Variants in KIAA0513 observed in about 807,000 individuals in gnomAD.
KIAA0513 encodes the protein KIAA0513.
Under a neutral mutation model 56.5 loss-of-function variants are expected in KIAA0513, and 39 were observed. That is an observed-to-expected ratio of 0.69 (90% CI 0.53 to 0.90). The LOEUF (loss-of-function observed/expected upper bound fraction) is 0.90. KIAA0513 is among the 40% of genes least tolerant of loss of function. The pLI, the probability that KIAA0513 is intolerant of heterozygous loss-of-function variation, is 0.00. For synonymous variants in KIAA0513, 268 were observed against 215.6 expected (o/e 1.24, Z -2.13); for missense variants, 591 against 535.2 (o/e 1.10, Z -1.03).
intron 1 of KIAA0513, among the ~76,000 whole-genome samples, chr16:85,066,660 G>A (rs774512098): frequency 1.3e-5 from 2 of 152,176 alleles, no homozygotes; most frequent in African/African-American, 4.8e-5. Flanking sequence ...AGCAGAGGCC[G>A]TGTGCTGACA....
intron 1 of KIAA0513, among the ~76,000 whole-genome samples, chr16:85,055,835 A>G (rs979247087): frequency 1.3e-5 from 2 of 152,202 alleles, no homozygotes; most frequent in South Asian, 4.1e-4. Flanking sequence ...TGTGAGTTGT[A>G]ATTCATCAGT....
intron 1 of KIAA0513, among the ~76,000 whole-genome samples, chr16:85,038,949 G>C (rs552319982): frequency 6.6e-6 from 1 of 152,308 alleles, no homozygotes; most frequent in South Asian, 2.1e-4. Flanking sequence ...GGGTAGCACA[G>C]CTCTGACCTG....
intron 1 of KIAA0513, among the ~76,000 whole-genome samples, chr16:85,056,440 A>G (rs567509133): frequency 6.6e-6 from 1 of 152,290 alleles, no homozygotes; most frequent in Non-Finnish European, 1.5e-5. Context: ...CAGCAGCCAG[A>G]GGGAGCCAGG....
chr16:85,032,777 C>G (rs1359327661), intron 1 of KIAA0513, among the ~76,000 whole-genome samples: 1 of 152,050 alleles, frequency 6.6e-6, no homozygotes, highest in Non-Finnish European at 1.5e-5. Flanking sequence ...ACTACAAGTG[C>G]CTGCCACCAC....
chr16:85,063,042 G>A (rs1309620255), intron 1 of KIAA0513, among the ~76,000 whole-genome samples: 2 of 152,290 alleles, frequency 1.3e-5, no homozygotes, highest in African/African-American at 4.8e-5. Flanking sequence ...CAGGGGTGGT[G>A]CACGCCACAG....
At chr16:85,048,520 C>A (rs532912020) in intron 1 of KIAA0513, among the ~76,000 whole-genome samples, 2 of 128,882 alleles carry the variant, frequency 1.6e-5, no homozygotes, top group African/African-American at 7.0e-5. Flanking sequence ...TCACTCTCAC[C>A]CTCTCCCCCC....
rs746182116 is a variant in KIAA0513 at position 85,081,341 on chromosome 16, C to T, written c.929C>T (p.Ala310Val). 4 of 1,605,476 alleles carry T rather than the reference C, an allele frequency of 2.5e-6. No individual in the cohort carries two copies. The highest frequency in any genetic ancestry group is 3.4e-6 in the Non-Finnish European group (4 of 1,176,030). Residue 310 changes from alanine to valine, a missense_variant, in exon 9 of 13, where the codon GCC (alanine) becomes GTC (valine). Coordinates refer to ENST00000683363, the MANE Select transcript of KIAA0513 (RefSeq NM_001388359.1). The surrounding 1 kb of genome is among the most constrained non-coding windows in gnomAD (Gnocchi z 4.4). ...IWHTLRFWNA[A>V]FFDAVHCERT... ...CACACTCTGAGGTTCTGGAATGCAGCCTTTTTTGACGCTGTCCATTGTGAG... is the reference window on the plus strand; with the variant it reads ...CACACTCTGAGGTTCTGGAATGCAGTCTTTTTTGACGCTGTCCATTGTGAG...
Position 85,081,570 on chromosome 16 carries a change from G to C in KIAA0513, c.980+178G>C, listed in dbSNP as rs542689883. Among the ~76,000 whole-genome samples, 1 of 152,210 alleles carries C rather than the reference G, an allele frequency of 6.6e-6. No homozygotes were observed. Among genetic ancestry groups the C allele is most frequent in the South Asian group, 2.1e-4 (1 of 4,826 alleles). Reference sequence around the variant, plus strand: ...CCTGAGGGGTCACAGCTTCATGGGTGGGGGTGCTCAGCTTGCATGAGCGCT... The same window carrying C: ...CCTGAGGGGTCACAGCTTCATGGGTCGGGGTGCTCAGCTTGCATGAGCGCT... On this transcript the variant is annotated intron_variant, in intron 9 of 12. Coordinates refer to ENST00000683363, the MANE Select transcript of KIAA0513 (RefSeq NM_001388359.1). This position sits in a 1 kb window ranked among gnomAD's most constrained non-coding sequence, Gnocchi z 4.4.
At chr16:85,047,742 A>G (rs1057211357) in intron 1 of KIAA0513, among the ~76,000 whole-genome samples, 20 of 152,030 alleles carry the variant, frequency 1.3e-4, no homozygotes, top group East Asian at 3.9e-4. Context: ...CTGTTACTAG[A>G]TGCTTCTCCT....
chr16:85,031,582 C>A (rs1387036953), intron 1 of KIAA0513, among the ~76,000 whole-genome samples: 2 of 152,188 alleles, frequency 1.3e-5, no homozygotes, highest in African/African-American at 4.8e-5. Flanking sequence ...TGCTGACTGA[C>A]CCTGCCTGTT....
Position 85,085,897 on chromosome 16 carries a change from G to T in KIAA0513, c.1011-747G>T, listed in dbSNP as rs551617583. The stretch of plus-strand genomic sequence containing the variant: ...TGGGTTTTCAGCACTTTGTTCTCAC[G>T]CCTGGGTGCTGTCTTCACCATGGTC... On this transcript the variant is annotated intron_variant, in intron 10 of 12. Coordinates refer to ENST00000683363, the MANE Select transcript of KIAA0513 (RefSeq NM_001388359.1). Among the ~76,000 whole-genome samples, 9 of 152,322 alleles carry T rather than the reference G, an allele frequency of 5.9e-5. No homozygotes were observed. In the South Asian group the frequency reaches 1.9e-3, roughly 32 times the overall value.
chr16:85,027,930 G>C (rs1296103507), intron 1 of KIAA0513, 72 bp downstream of exon 1: 2 of 151,932 alleles, frequency 1.3e-5, no homozygotes, highest in Admixed American at 6.6e-5. Context: ...GGACGGCGGG[G>C]ACCCGGGATG....
chr16:85,087,220 C>A, intron 12 of KIAA0513, 54 bp downstream of exon 12: 1 of 1,421,614 alleles, frequency 7.0e-7, no homozygotes, highest in Non-Finnish European at 9.9e-7. Context: ...GGTCAGGAGC[C>A]AGTGCTGTGC....
In KIAA0513 at chr16:85,083,788, G is replaced by C. The variant is rs12596888; in HGVS notation, c.1010+1195G>C. Among the ~76,000 whole-genome samples, 160 of 152,306 alleles carry C rather than the reference G, an allele frequency of 1.1e-3. 1 individual carries two copies. The East Asian group carries it at 0.025, about 23-fold the overall frequency. On this transcript the variant is annotated intron_variant, in intron 10 of 12. Transcript: ENST00000683363. ...AGGCTGAATATTGCTTTGAGATTGA[G>C]GCAGGTGGCAGGGGGCGAGGTTGGC... is the stretch of plus-strand genomic sequence containing the variant.
intron 1 of KIAA0513, among the ~76,000 whole-genome samples, chr16:85,045,502 C>T (rs2073159252): frequency 6.6e-6 from 1 of 152,252 alleles, no homozygotes; most frequent in South Asian, 2.1e-4. Flanking sequence ...ATTACAGGCA[C>T]CCACCATCAT....
intron 12 of KIAA0513, 81 bp from the exon 13 acceptor site, chr16:85,088,195 C>T (rs2144115007): frequency 7.4e-7 from 1 of 1,352,316 alleles, no homozygotes; most frequent in Non-Finnish European, 1.1e-6. Flanking sequence ...CCGATTCGTC[C>T]CTGTCCGAGT....
chr16:85,040,858 A>G (rs898158151), intron 1 of KIAA0513, among the ~76,000 whole-genome samples: 11 of 152,194 alleles, frequency 7.2e-5, no homozygotes, highest in Admixed American at 2.0e-4. Context: ...GGATCAATAC[A>G]CTTAAAGCAG....
intron 12 of KIAA0513, 74 bp from the exon 13 acceptor site, chr16:85,088,202 G>T: frequency 7.1e-7 from 1 of 1,403,122 alleles, no homozygotes; most frequent in South Asian, 1.2e-5. Context: ...GTCCCTGTCC[G>T]AGTGACAAGA....
rs139524009 is a variant in KIAA0513 at position 85,042,478 on chromosome 16, T to C, written c.-173+14620T>C. Among the ~76,000 whole-genome samples, 550 of 152,238 alleles carry C rather than the reference T, an allele frequency of 3.6e-3. 3 individuals carry two copies. The highest frequency in any genetic ancestry group is 0.013 in the African/African-American group (523 of 41,522). On this transcript the variant is annotated intron_variant, in intron 1 of 12. Coordinates refer to ENST00000683363, the MANE Select transcript of KIAA0513 (RefSeq NM_001388359.1). ...CCCGCAATATTGTAAGGCTGTGGAC[T>C]CCCCCTCTGCTTGGGTTTATCTAGA...
Sources: allele counts gnomAD v4.1 joint callset (sites outside exome capture counted in the v4.1 genomes callset), GRCh38; gene constraint gnomAD v4.1.1; non-coding constraint Gnocchi (gnomAD v3.1); transcripts MANE v1.5; gene names NCBI Gene and HGNC (gene_info 2026-07-23, HGNC 2026-07-21).